The following APC variants were observed in gnomAD, a reference collection of about 807,000 sequenced individuals.
The protein encoded by APC is APC regulator of Wnt signaling pathway.
APC carries 72 observed loss-of-function variants against 247.0 expected under a neutral mutation model. That is an observed-to-expected ratio of 0.29 (90% CI 0.24 to 0.35). The LOEUF is 0.35. Among genes scored for constraint, APC ranks in the 10% least tolerant of loss-of-function variants. The pLI is 1.00. For missense variants in APC, 3,400 were observed against 3,360.7 expected (o/e 1.01, Z -0.29); for synonymous variants, 1,254 against 1,162.5 (o/e 1.08, Z -1.60).
chr5:112,767,700 G>A (rs1343954615), intron 4 of APC, among the ~76,000 whole-genome samples: 3 of 151,884 alleles, frequency 2.0e-5, no homozygotes, highest in East Asian at 3.9e-4. Context: ...GCATGATCTC[G>A]GCTCACTGCA....
chr5:112,793,913 C>G (rs893056013), intron 7 of APC, among the ~76,000 whole-genome samples: 1 of 151,636 alleles, frequency 6.6e-6, no homozygotes, highest in Non-Finnish European at 1.5e-5. Context: ...GAAGAGAAAA[C>G]AAATTTCACA....
rs1766609894 is a variant in APC, at chr5:112,843,548, T to G, written c.7954T>G (p.Ser2652Ala). ...AATTTATCAAATGGCACCTGCTGTT[T>G]CTAAAACAGAGGATGTTTGGGTGAG... Reference protein sequence around the residue: ...TLIYQMAPAVSKTEDVWVRIE... With the variant: ...TLIYQMAPAVAKTEDVWVRIE... The change falls in exon 16 of 16, where the codon TCT (serine) becomes GCT (alanine). Residue 2652 changes from serine (S) to alanine (A), a missense_variant. Coordinates refer to ENST00000257430, the MANE Select transcript of APC (RefSeq NM_000038.6). The surrounding 1 kb of genome is among the most constrained non-coding windows in gnomAD (Gnocchi z 4.8). The G allele has an allele frequency of 6.2e-7, 1 of 1,613,966 alleles. No homozygotes were observed. Among genetic ancestry groups the G allele is most frequent in the South Asian group, 1.1e-5 (1 of 91,072 alleles).
intron 7 of APC, among the ~76,000 whole-genome samples, chr5:112,796,829 TC>T (rs557747632): frequency 3.6e-4 from 55 of 152,064 alleles, no homozygotes; most frequent in Non-Finnish European, 4.6e-4. Flanking sequence ...GTTAGTTCTT[TC>T]CCCCCCATCT....
chr5:112,752,044 T>A (rs1444341251), intron 1 of APC, among the ~76,000 whole-genome samples: 1 of 152,102 alleles, frequency 6.6e-6, no homozygotes, highest in African/African-American at 2.4e-5. Context: ...GACTTTTTCA[T>A]TGTAAATTAT....
chr5:112,802,094 CTT>C (rs1760891492), intron 8 of APC, among the ~76,000 whole-genome samples: 1 of 151,986 alleles, frequency 6.6e-6, no homozygotes, highest in Admixed American at 6.6e-5. Flanking sequence ...AAATGAATGA[CTT>C]TTTAAAAACA....
At chr5:112,772,750 C>A (rs573406439) in intron 4 of APC, among the ~76,000 whole-genome samples, 1 of 152,306 alleles carries the variant, frequency 6.6e-6, no homozygotes, top group Admixed American at 6.5e-5. Flanking sequence ...CTCCTGACTT[C>A]AAGTGATCCA....
chr5:112,746,863 T>C (rs1189176312), intron 1 of APC, among the ~76,000 whole-genome samples: 2 of 152,212 alleles, frequency 1.3e-5, no homozygotes, highest in African/African-American at 2.4e-5. Context: ...TATCATCACT[T>C]ACAGATTATA....
At chr5:112,790,722 G>C (rs539937165) in intron 6 of APC, among the ~76,000 whole-genome samples, 125 of 152,226 alleles carry the variant, frequency 8.2e-4, no homozygotes, top group African/African-American at 2.8e-3. Flanking sequence ...AAGCATGAAG[G>C]CATTGTATTT....
Position 112,838,053 on chromosome 5 carries a change from C to T in APC, c.2459C>T (p.Thr820Ile), listed in dbSNP as rs2149870031. The T allele has an allele frequency of 6.2e-7, 1 of 1,614,168 alleles. No individual in the cohort carries two copies. The highest frequency in any genetic ancestry group is 8.5e-7 in the Non-Finnish European group (1 of 1,180,014). The change falls in exon 16 of 16, where the codon ACT becomes ATT. Residue 820 changes from threonine (T) to isoleucine (I), a missense_variant. This residue lies in a region of APC where 715 missense variants were observed against 656.6 expected (regional missense o/e 1.09). Transcript: ENST00000257430. ...RSDNFNTGNM[T>I]VLSPYLNTTV... is the part of the protein sequence containing the mutation. ...GACAATTTTAATACTGGCAACATGA[C>T]TGTCCTTTCACCATATTTGAATACT...
intron 8 of APC, 92 bp downstream of exon 8, chr5:112,801,475 A>AC (rs1355022967): frequency 2.0e-6 from 2 of 988,522 alleles, no homozygotes; most frequent in African/African-American, 3.3e-5. Flanking sequence ...TATAAATCTT[A>AC]CCTATTTTCT....
In APC at chr5:112,838,226, T is replaced by C. The variant is rs1476958808; in HGVS notation, c.2632T>C (p.Leu878=). 4 of 1,613,950 alleles carry C rather than the reference T, an allele frequency of 2.5e-6. No homozygotes were observed. Among genetic ancestry groups the C allele is most frequent in the Non-Finnish European group, 3.4e-6 (4 of 1,179,966 alleles). The change falls in exon 16 of 16, where the codon TTG becomes CTG. Residue 878 remains leucine, a synonymous_variant. Transcript: ENST00000257430. ...TCCAGGAACTTCTTCAAAGCGAGGTTTGCAGATCTCCACCACTGCAGCCCA... is the reference window on the plus strand; with the variant it reads ...TCCAGGAACTTCTTCAAAGCGAGGTCTGCAGATCTCCACCACTGCAGCCCA... ...ENPGTSSKRG[L]QISTTAAQIA...
At chr5:112,794,805 C>T (rs1760024409) in intron 7 of APC, among the ~76,000 whole-genome samples, 1 of 152,238 alleles carries the variant, frequency 6.6e-6, no homozygotes, top group African/African-American at 2.4e-5. Flanking sequence ...TCCACATCCC[C>T]TTCACGTTCA....
chr5:112,805,301 G>C (rs1761260987), intron 8 of APC, among the ~76,000 whole-genome samples: 1 of 152,170 alleles, frequency 6.6e-6, no homozygotes, highest in Non-Finnish European at 1.5e-5. Context: ...CCATACTTCA[G>C]AGTCCTACCA....
At chr5:112,776,344 A>G (rs1757646567) in intron 5 of APC, among the ~76,000 whole-genome samples, 1 of 152,218 alleles carries the variant, frequency 6.6e-6, no homozygotes, top group African/African-American at 2.4e-5. Context: ...TCGAACCTGC[A>G]TATAATGAAT....
chr5:112,715,320 T>C (rs1314984439), intron 1 of APC, among the ~76,000 whole-genome samples: 2 of 152,188 alleles, frequency 1.3e-5, no homozygotes, highest in Non-Finnish European at 1.5e-5. Flanking sequence ...TCAATAAATA[T>C]TATATATGTA....
Position 112,810,060 on chromosome 5 carries a change from A to G in APC, c.835-5435A>G, listed in dbSNP as rs77646685. The G allele has an allele frequency of 2.2e-6, 1 of 448,156 alleles. No individual in the cohort carries two copies. 27.8% of individuals were successfully genotyped at this position (448,156 alleles called of 1,614,324 possible). On this transcript the variant is annotated intron_variant, in intron 8 of 15. Transcript: ENST00000257430. ...AAGATGTCTAGATGTGAACTGCCCAAGAGAGAAAAGATCGTTAACTGATAC... is the reference window on the plus strand; with the variant it reads ...AAGATGTCTAGATGTGAACTGCCCAGGAGAGAAAAGATCGTTAACTGATAC...
chr5:112,747,742 G>C (rs2149712129), intron 1 of APC, among the ~76,000 whole-genome samples: 1 of 152,258 alleles, frequency 6.6e-6, no homozygotes, highest in African/African-American at 2.4e-5. Context: ...AATTAAAATG[G>C]ATCACTGAAA....
At chr5:112,781,045 A>C (rs1758285881) in intron 6 of APC, 142 bp downstream of exon 6, 1 of 688,906 alleles carries the variant, frequency 1.5e-6, no homozygotes, top group Non-Finnish European at 2.7e-6. Flanking sequence ...AAGATTTATC[A>C]TGGCTGCTGA....
intron 1 of APC, among the ~76,000 whole-genome samples, chr5:112,741,456 A>G (rs1462289239): frequency 2.0e-5 from 3 of 152,122 alleles, no homozygotes; most frequent in Admixed American, 2.0e-4. Flanking sequence ...AAATCAAATC[A>G]TACATCATCA....
Sources: gnomAD v4.1 joint callset for allele counts (sites outside exome capture counted in the v4.1 genomes callset) on GRCh38, gnomAD v4.1.1 for gene constraint, gnomAD v4.1.1 regional missense constraint, Gnocchi (gnomAD v3.1) non-coding constraint, MANE v1.5 for transcripts, NCBI Gene and HGNC (gene_info 2026-07-23, HGNC 2026-07-21) for gene names.